Variants in PTPRT observed in about 807,000 individuals in gnomAD.
PTPRT encodes the protein receptor-type tyrosine-protein phosphatase T.
Under a neutral mutation model 176.8 loss-of-function variants are expected in PTPRT, and 56 were observed. The observed-to-expected ratio is 0.32, with a 90% CI of 0.26 to 0.40. PTPRT has a LOEUF of 0.40. PTPRT is among the 10% of genes least tolerant of loss of function. PTPRT has a pLI of 1.00. For synonymous variants in PTPRT, 783 were observed against 739.0 expected (o/e 1.06, Z -0.96); for missense variants, 1,540 against 1,908.2 (o/e 0.81, Z 3.60).
intron 1 of PTPRT, among the ~76,000 whole-genome samples, chr20:43,144,916 T>C (rs1037997079): frequency 2.0e-5 from 3 of 152,154 alleles, no homozygotes; most frequent in Admixed American, 6.5e-5. Context: ...GATCTGACCA[T>C]TCACCCCACT....
intron 1 of PTPRT, among the ~76,000 whole-genome samples, chr20:42,951,207 G>A (rs896562335): frequency 3.3e-5 from 5 of 151,996 alleles, no homozygotes; most frequent in African/African-American, 4.8e-5. Flanking sequence ...GAATACATGG[G>A]TAGATGGATG....
intron 6 of PTPRT, among the ~76,000 whole-genome samples, chr20:42,707,484 C>T (rs1254557073): frequency 6.6e-6 from 1 of 152,102 alleles, no homozygotes; most frequent in Non-Finnish European, 1.5e-5. Context: ...TGTGTGGTGT[C>T]AGAACATTTT....
At chr20:42,394,729 C>G (rs554922719) in intron 9 of PTPRT, among the ~76,000 whole-genome samples, 1 of 152,116 alleles carries the variant, frequency 6.6e-6, no homozygotes, top group African/African-American at 2.4e-5. Context: ...TCAGAAGAAT[C>G]AAAACTATGA....
At chr20:43,072,344 A>C (rs1462641066) in intron 1 of PTPRT, among the ~76,000 whole-genome samples, 1 of 152,120 alleles carries the variant, frequency 6.6e-6, no homozygotes, top group Non-Finnish European at 1.5e-5. Context: ...CAGATTAATA[A>C]CCCTTGTAAT....
At chr20:42,415,779 A>G (rs1401472292) in intron 9 of PTPRT, among the ~76,000 whole-genome samples, 1 of 152,220 alleles carries the variant, frequency 6.6e-6, no homozygotes, top group Admixed American at 6.5e-5. Flanking sequence ...AAGTGTGTAC[A>G]TGGGAGTGAT....
At chr20:42,965,072 A>G (rs1383248560) in intron 1 of PTPRT, among the ~76,000 whole-genome samples, 1 of 152,232 alleles carries the variant, frequency 6.6e-6, no homozygotes, top group Non-Finnish European at 1.5e-5. Context: ...CATAAAAGTA[A>G]ATAAGTAAAC....
At chr20:42,770,763 C>T (rs533006181) in intron 5 of PTPRT, among the ~76,000 whole-genome samples, 1 of 152,286 alleles carries the variant, frequency 6.6e-6, no homozygotes, top group East Asian at 1.9e-4. Context: ...ATTCCATTTG[C>T]CTCAGCCCTA....
At chr20:42,233,765 A>G (rs1175428996) in intron 15 of PTPRT, among the ~76,000 whole-genome samples, 2 of 152,172 alleles carry the variant, frequency 1.3e-5, no homozygotes, top group African/African-American at 4.8e-5. Context: ...TGAATATAAA[A>G]TGAATATAAT....
Position 42,258,677 on chromosome 20 carries a change from GA to G in PTPRT, c.2177-9856del, listed in dbSNP as rs113808263. Among the ~76,000 whole-genome samples the G allele has an allele frequency of 1.3e-4, 20 of 152,154 alleles. 2 individuals carry two copies. Among genetic ancestry groups the G allele is most frequent in the African/African-American group, 4.8e-4 (20 of 41,520 alleles). On this transcript the variant is annotated intron_variant, in intron 13 of 30. Transcript: ENST00000373187. ...CCTTCACCAGATCTGGTTGATAATAGAGCACTTGAGAAGGATTATTTCATCA... is the reference window on the plus strand; with the variant it reads ...CCTTCACCAGATCTGGTTGATAATAGGCACTTGAGAAGGATTATTTCATCA...
chr20:42,620,807 G>A (rs534507813), intron 7 of PTPRT, among the ~76,000 whole-genome samples: 88 of 152,216 alleles, frequency 5.8e-4, no homozygotes, highest in African/African-American at 2.0e-3. Flanking sequence ...GCTTGCGCAC[G>A]GTGCGCGCAC....
intron 27 of PTPRT, among the ~76,000 whole-genome samples, chr20:42,094,691 A>T (rs1229065436): frequency 6.6e-6 from 1 of 152,184 alleles, no homozygotes; most frequent in Non-Finnish European, 1.5e-5. Context: ...GGAGATCAAG[A>T]CCAGTCTGGC....
chr20:42,152,207 T>C (rs1262775569), intron 17 of PTPRT, among the ~76,000 whole-genome samples: 5 of 152,260 alleles, frequency 3.3e-5, no homozygotes, highest in African/African-American at 1.2e-4. Context: ...TAAGGTGCTG[T>C]AGGAGTTAGT....
intron 6 of PTPRT, among the ~76,000 whole-genome samples, chr20:42,726,896 G>A (rs1341605438): frequency 1.3e-5 from 2 of 152,208 alleles, no homozygotes; most frequent in Admixed American, 1.3e-4. Context: ...GAATAGAAGA[G>A]CTTCAGTACC....
At chr20:42,762,953 A>G (rs981245986) in intron 5 of PTPRT, among the ~76,000 whole-genome samples, 8 of 152,116 alleles carry the variant, frequency 5.3e-5, no homozygotes, top group Admixed American at 4.6e-4. Flanking sequence ...TTTTATGTGG[A>G]TAAGTCGGCT....
intron 7 of PTPRT, among the ~76,000 whole-genome samples, chr20:42,483,409 CCGCCT>C (rs2071418592): frequency 6.6e-6 from 1 of 152,230 alleles, no homozygotes; most frequent in Non-Finnish European, 1.5e-5. Context: ...AGTGATCCAC[CCGCCT>C]TGGCCTCCCA....
intron 27 of PTPRT, among the ~76,000 whole-genome samples, chr20:42,098,079 G>C (rs1985456745): frequency 6.6e-6 from 1 of 152,228 alleles, no homozygotes; most frequent in Non-Finnish European, 1.5e-5. Flanking sequence ...AGGGCTGCAG[G>C]TGCTCAGTGC....
intron 7 of PTPRT, among the ~76,000 whole-genome samples, chr20:42,553,898 T>G (rs990243845): frequency 1.8e-4 from 28 of 152,050 alleles, no homozygotes; most frequent in Non-Finnish European, 3.8e-4. Context: ...AAGGTGGAGC[T>G]GATGGGTCTG....
intron 1 of PTPRT, among the ~76,000 whole-genome samples, chr20:43,006,060 A>G (rs1984839707): frequency 6.6e-6 from 1 of 152,210 alleles, no homozygotes; most frequent in Admixed American, 6.5e-5. Context: ...ATCAGCATAC[A>G]ATTCTATACG....
At chr20:42,823,424 G>A (rs2077935457) in intron 2 of PTPRT, among the ~76,000 whole-genome samples, 1 of 151,458 alleles carries the variant, frequency 6.6e-6, no homozygotes, top group African/African-American at 2.4e-5. Context: ...TTAGAGGATG[G>A]GTCAATAGGC....
Sources: allele counts gnomAD v4.1 joint callset (sites outside exome capture counted in the v4.1 genomes callset), GRCh38; gene constraint gnomAD v4.1.1; transcripts MANE v1.5; gene names NCBI Gene and HGNC (gene_info 2026-07-23, HGNC 2026-07-21).